The following KDM1A variants were observed in gnomAD, a reference collection of about 807,000 sequenced individuals.
KDM1A encodes the protein lysine-specific histone demethylase 1A.
KDM1A carries 49 observed loss-of-function variants against 109.4 expected under a neutral mutation model. The observed-to-expected ratio is 0.45, with a 90% CI of 0.36 to 0.57. KDM1A has a LOEUF of 0.57. KDM1A is among the 20% of genes least tolerant of loss of function. The pLI is 0.00. For missense variants in KDM1A, 668 were observed against 1,116.6 expected (o/e 0.60, Z 5.73); for synonymous variants, 380 against 415.4 (o/e 0.91, Z 1.04).
At chr1:23,061,800 G>C (rs1427797342) in intron 9 of KDM1A, among the ~76,000 whole-genome samples, 1 of 152,058 alleles carries the variant, frequency 6.6e-6, no homozygotes, top group Non-Finnish European at 1.5e-5. Flanking sequence ...GGGATTACAG[G>C]CATGCGCCAC....
rs930944658 is a variant in KDM1A, at chr1:23,081,485, G to C, written c.2210G>C (p.Gly737Ala). 8.1e-6 allele frequency: 13 copies of C among 1,614,038 alleles called. No homozygotes were observed. The highest frequency in any genetic ancestry group is 1.1e-5 in the Non-Finnish European group (13 of 1,180,026). Residue 737 changes from glycine (G) to alanine (A), a missense_variant, in exon 19 of 21, where the codon GGT becomes GCT. Physicochemically the swap from Gly to Ala is moderately conservative, Grantham distance 60. This residue lies in a region of KDM1A where 162 missense variants were observed against 376.4 expected (regional missense o/e 0.43). Transcript: ENST00000400181. ...LLALVAGEAAGIMENISDDVI... is the reference protein window; with the variant it reads ...LLALVAGEAAAIMENISDDVI... ...GCACTAGTGGCAGGAGAAGCTGCTG[G>C]TATCATGGAAAACATAAGTGACGAT...
At chr1:23,055,229 A>G (rs968967251) in intron 6 of KDM1A, 68 bp downstream of exon 6, 3 of 819,062 alleles carry the variant, frequency 3.7e-6, no homozygotes, top group Non-Finnish European at 5.8e-6. Flanking sequence ...TGTATTTTAT[A>G]TCTATGATGA....
intron 1 of KDM1A, among the ~76,000 whole-genome samples, chr1:23,021,779 A>G (rs1347026111): frequency 6.6e-6 from 1 of 152,216 alleles, no homozygotes; most frequent in Non-Finnish European, 1.5e-5. Flanking sequence ...AGCCAACACC[A>G]CAATTGATTT....
At position 23,077,327 on chromosome 1, in the gene KDM1A, A is replaced by C; in HGVS notation, c.1834A>C (p.Thr612Pro). 1 of 1,613,876 alleles carries C rather than the reference A, an allele frequency of 6.2e-7. No homozygotes were observed. The highest frequency in any genetic ancestry group is 8.5e-7 in the Non-Finnish European group (1 of 1,179,772). Residue 612 changes from threonine (T) to proline (P), a missense_variant, in exon 16 of 21, where the codon ACA (threonine) becomes CCA (proline). Around this residue, in one of 8 missense-constraint regions of KDM1A, gnomAD observed 162 missense variants for 376.4 expected, o/e 0.43. Coordinates refer to ENST00000400181, the MANE Select transcript of KDM1A (RefSeq NM_001009999.3). The part of the protein sequence containing the change: ...LAEGLDIKLN[T>P]AVRQVRYTAS... ...AGAAGGCCTAGACATTAAACTGAAT[A>C]CAGCAGTGCGACAGGTTCGCTACAC...
intron 4 of KDM1A, among the ~76,000 whole-genome samples, chr1:23,053,477 C>G (rs1642732337): frequency 6.6e-6 from 1 of 152,098 alleles, no homozygotes. Context: ...CCTCGACGTC[C>G]CGGGCTCAAG....
chr1:23,081,686 C>A, intron 19 of KDM1A, 113 bp downstream of exon 19: 2 of 1,233,532 alleles, frequency 1.6e-6, no homozygotes, highest in Non-Finnish European at 2.3e-6. Context: ...GAGGTCTGTG[C>A]TTTTACATGA....
rs771293662 is a variant in KDM1A, at chr1:23,077,210, C to A, written c.1735-18C>A. 1.4e-5 allele frequency: 23 copies of A among 1,606,892 alleles called. No individual in the cohort carries two copies. Among genetic ancestry groups the A allele is most frequent in the Non-Finnish European group, 2.0e-5 (23 of 1,175,372 alleles). On this transcript the variant is annotated intron_variant, in intron 15 of 20. Transcript: ENST00000400181. ...ATTAATAAAAGGTTGGAAATATGTTCTTTTCTCTCCTCTTTAGGATGATGA... is the reference window on the plus strand; with the variant it reads ...ATTAATAAAAGGTTGGAAATATGTTATTTTCTCTCCTCTTTAGGATGATGA...
chr1:23,049,578 G>A (rs556427283), intron 3 of KDM1A, among the ~76,000 whole-genome samples: 7 of 151,578 alleles, frequency 4.6e-5, no homozygotes, highest in Non-Finnish European at 7.4e-5. Flanking sequence ...CCAGCTACTC[G>A]AGAGGCTGAG....
chr1:23,049,619 A>C (rs1642604882), intron 3 of KDM1A, among the ~76,000 whole-genome samples: 1 of 151,424 alleles, frequency 6.6e-6, no homozygotes, highest in Non-Finnish European at 1.5e-5. Context: ...CAGGAGGCAG[A>C]GGTTGTAGTG....
chr1:23,036,530 C>G (rs570269103), intron 2 of KDM1A, among the ~76,000 whole-genome samples: 68 of 139,228 alleles, frequency 4.9e-4, no homozygotes, highest in African/African-American at 1.7e-3. Flanking sequence ...TCCAAAATAC[C>G]TTACTGGAGG....
Position 23,050,484 on chromosome 1 carries a change from G to C in KDM1A, c.675G>C (p.Gln225His), listed in dbSNP as rs745866249. The change falls in exon 4 of 21, where the codon CAG (glutamine) becomes CAC (histidine). Residue 225 changes from glutamine (Q) to histidine (H), a missense_variant. This residue lies in a region of KDM1A where 149 missense variants were observed against 189.7 expected (regional missense o/e 0.79). Coordinates refer to ENST00000400181, the MANE Select transcript of KDM1A (RefSeq NM_001009999.3). Reference protein sequence around the residue: ...CFPDIISGPQQTQKVFLFIRN... With the variant: ...CFPDIISGPQHTQKVFLFIRN... ...CAGATATTATCAGTGGACCACAACAGACCCAGAAGGTTTTTCTTTTCATTA... is the reference window on the plus strand; with the variant it reads ...CAGATATTATCAGTGGACCACAACACACCCAGAAGGTTTTTCTTTTCATTA... 1 of 1,610,818 alleles carries C rather than the reference G, an allele frequency of 6.2e-7. No homozygotes were observed. Among genetic ancestry groups the C allele is most frequent in the Non-Finnish European group, 8.5e-7 (1 of 1,178,554 alleles).
intron 4 of KDM1A, among the ~76,000 whole-genome samples, 175 bp from the exon 5 acceptor site, chr1:23,053,586 A>G (rs1409147068): frequency 1.3e-5 from 2 of 152,050 alleles, no homozygotes. Context: ...GGGTCTCACT[A>G]TATTGCCTAA....
chr1:23,022,888 G>T (rs1641683187), intron 1 of KDM1A, among the ~76,000 whole-genome samples: 1 of 148,558 alleles, frequency 6.7e-6, no homozygotes, highest in Non-Finnish European at 1.5e-5. Context: ...TAAACTCCTG[G>T]CCTCAAGCCA....
chr1:23,024,211 T>A (rs995910792), intron 1 of KDM1A, among the ~76,000 whole-genome samples: 1 of 152,204 alleles, frequency 6.6e-6, no homozygotes, highest in Admixed American at 6.5e-5. Context: ...CCCTGTTTTT[T>A]AATCCCCCAT....
chr1:23,027,064 TA>T lies in KDM1A; in HGVS notation c.352-3394del, dbSNP rs879478598. ...GGCTCTGGGCAATTTTAAAATTATC[TA>T]AAAAAAAAAACTTTATTAAATGAGG... On this transcript the variant is annotated intron_variant, in intron 1 of 20. Coordinates refer to ENST00000400181, the MANE Select transcript of KDM1A (RefSeq NM_001009999.3). Among the ~76,000 whole-genome samples the T allele has an allele frequency of 6.3e-3, 915 of 145,162 alleles. 13 individuals are homozygous for T. Among genetic ancestry groups the T allele is most frequent in the Admixed American group, 8.2e-3 (120 of 14,568 alleles).
At chr1:23,020,118 A>G in intron 1 of KDM1A, 171 bp downstream of exon 1, 1 of 711,036 alleles carries the variant, frequency 1.4e-6, no homozygotes, top group Non-Finnish European at 2.0e-6. Context: ...GTGAGAAAGG[A>G]AAAGTCTTTG....
At chr1:23,029,119 C>T (rs1479790880) in intron 1 of KDM1A, among the ~76,000 whole-genome samples, 1 of 151,998 alleles carries the variant, frequency 6.6e-6, no homozygotes, top group Non-Finnish European at 1.5e-5. Context: ...ATCCTGTGGT[C>T]CTATCATTTA....
At chr1:23,024,500 A>G (rs1482011510) in intron 1 of KDM1A, among the ~76,000 whole-genome samples, 1 of 152,254 alleles carries the variant, frequency 6.6e-6, no homozygotes, top group Non-Finnish European at 1.5e-5. Flanking sequence ...TTATATCATT[A>G]CATAATTAAA....
intron 12 of KDM1A, among the ~76,000 whole-genome samples, chr1:23,069,562 C>T (rs138798500): frequency 3.9e-5 from 6 of 152,238 alleles, no homozygotes; most frequent in Middle Eastern, 3.4e-3. Flanking sequence ...TGTGTTGGGC[C>T]GCATTCAAAA....
Sources: gnomAD v4.1 joint callset for allele counts (sites outside exome capture counted in the v4.1 genomes callset) on GRCh38, gnomAD v4.1.1 for gene constraint, gnomAD v4.1.1 regional missense constraint, MANE v1.5 for transcripts, NCBI Gene and HGNC (gene_info 2026-07-23, HGNC 2026-07-21) for gene names.